NOX4: variants seen among roughly 807,000 people sequenced by gnomAD.
NOX4 encodes kidney oxidase-1.
NOX4 carries 69 observed loss-of-function variants against 87.6 expected under a neutral mutation model. The observed-to-expected ratio is 0.79, with a 90% CI of 0.65 to 0.96. NOX4 has a LOEUF of 0.96. NOX4 is among the 40% of genes least tolerant of loss of function. The pLI is 0.00. For missense variants in NOX4, 680 were observed against 681.5 expected, an observed-to-expected ratio of 1.00 and a Z score of 0.02; for synonymous variants, 275 against 238.2, an observed-to-expected ratio of 1.15 and a Z score of -1.42.
chr11:89,507,763 T>C, the NOX4 span, among the ~76,000 whole-genome samples: 1 of 151,916 alleles, frequency 6.6e-6, no homozygotes, highest in Admixed American at 6.6e-5. Flanking sequence ...TTGCACATGG[T>C]AAATATTAGA....
Position 89,337,460 on chromosome 11 carries a change from G to C in NOX4, c.1502C>G (p.Thr501Arg). The C allele has an allele frequency of 6.2e-7, 1 of 1,612,270 alleles. No individual in the cohort carries two copies. Among genetic ancestry groups the C allele is most frequent in the Non-Finnish European group, 8.5e-7 (1 of 1,178,750 alleles). ...YVNIQLYLSQ[T>R]DGIQKIIGEK... ...TCAACCACATACCTGTATCCCATCTGTTTGACTGAGGTACAGCTGGATGTT... is the reference window on the plus strand; with the variant it reads ...TCAACCACATACCTGTATCCCATCTCTTTGACTGAGGTACAGCTGGATGTT... Residue 501 changes from threonine to arginine, a missense_variant, in exon 16 of 18, where the codon ACA becomes AGA. Physicochemically the swap from Thr to Arg is moderately conservative, Grantham distance 71. Coordinates refer to ENST00000263317, the MANE Select transcript of NOX4 (RefSeq NM_016931.5).
chr11:89,367,952 A>AT (rs1272086248), intron 12 of NOX4, among the ~76,000 whole-genome samples: 1 of 151,948 alleles, frequency 6.6e-6, no homozygotes, highest in Non-Finnish European at 1.5e-5. Flanking sequence ...CAAGTTCTAT[A>AT]TATCTCTAAC....
intron 11 of NOX4, among the ~76,000 whole-genome samples, chr11:89,388,784 C>A (rs749717252): frequency 6.6e-6 from 1 of 152,016 alleles, no homozygotes; most frequent in Non-Finnish European, 1.5e-5. Context: ...AAGAACGAGG[C>A]AAAAAATCTT....
Position 89,486,447 on chromosome 11 carries a change from C to T in NOX4, c.153+4011G>A, listed in dbSNP as rs907380102. Among the ~76,000 whole-genome samples, 7 of 147,706 alleles carry T rather than the reference C, an allele frequency of 4.7e-5. No individual in the cohort carries two copies. The Admixed American group carries it at 4.7e-4, about 10-fold the overall frequency. On this transcript the variant is annotated intron_variant, in intron 2 of 17. Transcript: ENST00000263317. ...TAGCTGCAATTACATGCATGTGCCA[C>T]CACGCCCAGCTAATATATGTGTGTG...
chr11:89,396,128 G>A (rs1188085128), intron 11 of NOX4, among the ~76,000 whole-genome samples: 3 of 151,992 alleles, frequency 2.0e-5, no homozygotes, highest in Non-Finnish European at 4.4e-5. Context: ...GATTCTTCCT[G>A]TCCATGAGCA....
At chr11:89,515,644 A>T in the NOX4 span, among the ~76,000 whole-genome samples, 1 of 151,860 alleles carries the variant, frequency 6.6e-6, no homozygotes, top group African/African-American at 2.4e-5. Flanking sequence ...CTATACCAGG[A>T]TTGTAAAAAT....
chr11:89,411,365 A>G (rs191944282), intron 8 of NOX4, among the ~76,000 whole-genome samples: 144 of 152,122 alleles, frequency 9.5e-4, no homozygotes, highest in African/African-American at 2.6e-3. Flanking sequence ...AGTGAATGGG[A>G]CTTTGTCTTG....
Position 89,405,552 on chromosome 11 carries a change from T to A in NOX4, c.630-3010A>T, listed in dbSNP as rs148623258. On this transcript the variant is annotated intron_variant, in intron 8 of 17. Transcript: ENST00000263317. ...AGAATAGAGAGCTCAGATTACTTTGTCTTAGTTGTAACTCTTGCCACCAAA... is the reference window on the plus strand; with the variant it reads ...AGAATAGAGAGCTCAGATTACTTTGACTTAGTTGTAACTCTTGCCACCAAA... 8.6e-4 allele frequency among the ~76,000 whole-genome samples: 131 copies of A among 151,788 alleles called. 3 individuals are homozygous for A. The East Asian group carries it at 0.025, about 29-fold the overall frequency.
chr11:89,573,600 G>A, the NOX4 span, among the ~76,000 whole-genome samples: 3 of 152,192 alleles, frequency 2.0e-5, no homozygotes, highest in Non-Finnish European at 4.4e-5. Flanking sequence ...GTACGGGTCT[G>A]CAGCAACCTG....
rs1486484644 is a variant in NOX4, at chr11:89,337,482, T to C, written c.1480A>G (p.Ile494Val). The change falls in exon 16 of 18, where the codon ATC (isoleucine) becomes GTC (valine). Residue 494 changes from isoleucine (I) to valine (V), a missense_variant. Ile to Val is a conservative substitution (Grantham distance 29). Transcript: ENST00000263317. ...TCTGTTTGACTGAGGTACAGCTGGA[T>C]GTTGACATAGTCAGGTCTGTTCTCT... Reference protein sequence around the residue: ...WQENRPDYVNIQLYLSQTDGI... With the variant: ...WQENRPDYVNVQLYLSQTDGI... 1.2e-6 allele frequency: 2 copies of C among 1,612,382 alleles called. No homozygotes were observed. Among genetic ancestry groups the C allele is most frequent in the African/African-American group, 1.3e-5 (1 of 74,862 alleles).
At position 89,414,361 on chromosome 11, in the gene NOX4, A is replaced by C. The variant is rs138210052; in HGVS notation, c.629+7541T>G. On this transcript the variant is annotated intron_variant, in intron 8 of 17. Coordinates refer to ENST00000263317, the MANE Select transcript of NOX4 (RefSeq NM_016931.5). Reference sequence around the variant, plus strand: ...CTAATATTTAGAGAAAATTCATAGCAAAATTCTAAAAGGTATGGGTTTTGG... The same window carrying C: ...CTAATATTTAGAGAAAATTCATAGCCAAATTCTAAAAGGTATGGGTTTTGG... 1.2e-3 allele frequency among the ~76,000 whole-genome samples: 188 copies of C among 152,142 alleles called. 4 individuals carry two copies. In the East Asian group the frequency reaches 0.033, roughly 27 times the overall value.
chr11:89,437,543 T>C (rs1267981433), intron 6 of NOX4, among the ~76,000 whole-genome samples: 1 of 152,070 alleles, frequency 6.6e-6, no homozygotes, highest in Non-Finnish European at 1.5e-5. Context: ...TGCCTCCTGC[T>C]GGCCAGCATA....
the NOX4 span, among the ~76,000 whole-genome samples, chr11:89,570,674 A>G: frequency 2.6e-5 from 4 of 152,214 alleles, no homozygotes; most frequent in Admixed American, 2.6e-4. Context: ...TCTATGAAAG[A>G]CAAGAAATTC....
At chr11:89,418,572 G>T (rs185112776) in intron 8 of NOX4, among the ~76,000 whole-genome samples, 213 of 151,792 alleles carry the variant, frequency 1.4e-3, no homozygotes, top group African/African-American at 5.0e-3. Context: ...AGAAAATTGA[G>T]ATCTGAAATA....
chr11:89,524,206 T>G, the NOX4 span, among the ~76,000 whole-genome samples: 2 of 152,180 alleles, frequency 1.3e-5, no homozygotes, highest in Non-Finnish European at 2.9e-5. Flanking sequence ...TGTATTAACC[T>G]TAAATACAAT....
At position 89,324,407 on chromosome 11, in the gene NOX4, A is replaced by G. The variant is rs1945142926; in HGVS notation, c.*2349T>C. ...ATTAGTGATTTAAGGCTTGTATTAT[A>G]AGAATGATCCCCAGAGAAATAATCC... On this transcript the variant is annotated 3_prime_UTR_variant, in exon 18 of 18. Transcript: ENST00000263317. 1 of 152,234 alleles carries G rather than the reference A, an allele frequency of 6.6e-6. No homozygotes were observed. 9.4% of individuals were successfully genotyped at this position (152,234 alleles called of 1,614,324 possible).
At chr11:89,527,170 C>A in the NOX4 span, among the ~76,000 whole-genome samples, 3 of 152,146 alleles carry the variant, frequency 2.0e-5, no homozygotes, top group Non-Finnish European at 4.4e-5. Flanking sequence ...TTTAGGGTAT[C>A]TGGTGGAAGA....
chr11:89,339,419 G>C (rs564714564), intron 15 of NOX4, among the ~76,000 whole-genome samples: 48 of 152,234 alleles, frequency 3.2e-4, no homozygotes, highest in Non-Finnish European at 5.0e-4. Flanking sequence ...TGTTTACATA[G>C]ATTAGGTAGG....
chr11:89,454,855 A>G (rs2135397618), intron 2 of NOX4, among the ~76,000 whole-genome samples: 1 of 152,192 alleles, frequency 6.6e-6, no homozygotes, highest in East Asian at 1.9e-4. Context: ...GAACTATTAT[A>G]CTCAATTTAC....
Sources: allele counts gnomAD v4.1 joint callset (sites outside exome capture counted in the v4.1 genomes callset), GRCh38; gene constraint gnomAD v4.1.1; transcripts MANE v1.5; gene names NCBI Gene and HGNC (gene_info 2026-07-23, HGNC 2026-07-21).